Variants in PLCH2 observed in about 807,000 individuals in gnomAD.
PLCH2 encodes the protein phospholipase C eta 2.
Under a neutral mutation model 134.7 loss-of-function variants are expected in PLCH2, and 98 were observed. The observed-to-expected ratio is 0.73, with a 90% CI of 0.62 to 0.86. The LOEUF is 0.86. Ranked by LOEUF, PLCH2 falls within the 40% of genes least tolerant of loss-of-function variation. PLCH2 has a pLI of 0.00. For synonymous variants in PLCH2, 974 were observed against 827.5 expected, an observed-to-expected ratio of 1.18 and a Z score of -3.04; for missense variants, 1,994 against 1,986.6, an observed-to-expected ratio of 1.00 and a Z score of -0.07.
upstream of PLCH2, among the ~76,000 whole-genome samples, chr1:2,464,088 G>C (rs1385205410): frequency 6.6e-6 from 1 of 152,254 alleles, no homozygotes; most frequent in Non-Finnish European, 1.5e-5. Context: ...CTGGTTGCGG[G>C]TGTGACCAGG....
At chr1:2,451,828 G>A (rs979534514) in intron 2 of PLCH2, among the ~76,000 whole-genome samples, 1 of 152,130 alleles carries the variant, frequency 6.6e-6, no homozygotes, top group African/African-American at 2.4e-5. Context: ...GGGCTGCCGG[G>A]GGGGCGGTGG....
chr1:2,499,596 TG>T, intron 19 of PLCH2, 44 bp from the exon 20 acceptor site: 1 of 1,422,108 alleles, frequency 7.0e-7, no homozygotes, highest in Non-Finnish European at 9.7e-7. Flanking sequence ...GTGGGGGCCC[TG>T]GGAGGCTGTG....
In PLCH2 at chr1:2,428,719, G is replaced by A. The variant is rs1053469135; in HGVS notation, c.-177-1619G>A. On this transcript the variant is annotated intron_variant, in intron 1 of 3. Coordinates refer to the PLCH2 transcript ENST00000609981. ...ACTGCTCAGGAACCTGCCGGTCTCC[G>A]GCTGGGACGGTGGCTGGATCAGCTC... Among the ~76,000 whole-genome samples, 10 of 152,268 alleles carry A rather than the reference G, an allele frequency of 6.6e-5. No homozygotes were observed. In the East Asian group the frequency reaches 1.3e-3, roughly 21 times the overall value.
At chr1:2,503,376 G>C (rs553643454) in intron 21 of PLCH2, 1 of 586,184 alleles carries the variant, frequency 1.7e-6, no homozygotes, top group African/African-American at 1.9e-5. Context: ...GATGTGGGCA[G>C]GTAGTGCAGC....
intron 2 of PLCH2, among the ~76,000 whole-genome samples, chr1:2,443,156 G>A (rs539068798): frequency 2.6e-5 from 4 of 152,318 alleles, no homozygotes; most frequent in African/African-American, 9.6e-5. Context: ...AGGTGGGTGG[G>A]CTGGCCGCCC....
intron 2 of PLCH2, among the ~76,000 whole-genome samples, chr1:2,442,288 G>T (rs1309111569): frequency 6.6e-6 from 1 of 152,184 alleles, no homozygotes; most frequent in African/African-American, 2.4e-5. Flanking sequence ...TCGTGAATCT[G>T]TGGGGAGCCA....
At chr1:2,423,047 T>G (rs1271404615), upstream of PLCH2, among the ~76,000 whole-genome samples, 1 of 152,252 alleles carries the variant, frequency 6.6e-6, no homozygotes, top group Admixed American at 6.5e-5. Context: ...GCTGATAGAC[T>G]CACAGTGATG....
rs950126259 is a variant in PLCH2, at chr1:2,498,944, C to T, written c.2434+116C>T. On this transcript the variant is annotated intron_variant, in intron 18 of 21. Coordinates refer to ENST00000378486, the MANE Select transcript of PLCH2 (RefSeq NM_014638.4). This position sits in a 1 kb window ranked among gnomAD's most constrained non-coding sequence, Gnocchi z 5.4. ...GGCCTCCCTCAGTGACAGTCCTGGG[C>T]GCCCTCCCCTCTAGGTGGGCAGTCC... 8 of 1,345,288 alleles carry T rather than the reference C, an allele frequency of 5.9e-6. No individual in the cohort carries two copies. Among genetic ancestry groups the T allele is most frequent in the African/African-American group, 5.8e-5 (4 of 69,144 alleles). The allele number at this position is 1,345,288 out of a possible 1,614,324, so 83.3% of individuals were successfully genotyped here. A position where few individuals can be genotyped will look rare whatever the true frequency, so the allele number is the denominator to read the frequency against.
At chr1:2,450,191 G>A (rs1640126061) in intron 2 of PLCH2, among the ~76,000 whole-genome samples, 2 of 152,156 alleles carry the variant, frequency 1.3e-5, no homozygotes, top group Non-Finnish European at 2.9e-5. Context: ...CGACGGGGGG[G>A]CAGATATCGG....
upstream of PLCH2, among the ~76,000 whole-genome samples, chr1:2,473,380 G>A (rs1000581723): frequency 1.3e-5 from 2 of 152,206 alleles, no homozygotes; most frequent in African/African-American, 2.4e-5. Context: ...GCGTGTCACC[G>A]TGGGGCCCGC....
At chr1:2,460,426 T>G (rs750036492) in intron 2 of PLCH2, among the ~76,000 whole-genome samples, 8 of 152,052 alleles carry the variant, frequency 5.3e-5, no homozygotes, top group Admixed American at 2.6e-4. Flanking sequence ...ATGGAACAGG[T>G]GGGCTGGAGA....
rs574486825 is a variant in PLCH2, at chr1:2,441,017, G to A, written c.115+10388G>A. Among the ~76,000 whole-genome samples, 3 of 152,332 alleles carry A rather than the reference G, an allele frequency of 2.0e-5. No homozygotes were observed. The East Asian group carries it at 5.8e-4, about 29-fold the overall frequency. On this transcript the variant is annotated intron_variant, in intron 2 of 3. Transcript: ENST00000609981. Reference sequence around the variant, plus strand: ...GGAAACCGCCCCGACCATGCTGTCCGGGAAAGGGGGTGCAGATGGGCATGG... The same window carrying A: ...GGAAACCGCCCCGACCATGCTGTCCAGGAAAGGGGGTGCAGATGGGCATGG...
At chr1:2,479,499 G>A (rs1641832915) in intron 2 of PLCH2, 27 of 494,646 alleles carry the variant, frequency 5.5e-5, no homozygotes, top group South Asian at 2.9e-4. Flanking sequence ...TCGTGGGGGC[G>A]TGTCTTTTCC....
chr1:2,502,316 T>C lies in PLCH2; in HGVS notation c.2866T>C (p.Ser956Pro). ...ELVLGTRDTGSKGVADDVVPP... is the reference protein window; with the variant it reads ...ELVLGTRDTGPKGVADDVVPP... ...GGTCCTGGGTACACGGGACACAGGCTCCAAGGGGGTGGCAGACGATGTGGT... is the reference window on the plus strand; with the variant it reads ...GGTCCTGGGTACACGGGACACAGGCCCCAAGGGGGTGGCAGACGATGTGGT... Residue 956 changes from serine to proline, a missense_variant, in exon 21 of 22, where the codon TCC (serine) becomes CCC (proline). Physicochemically the swap from Ser to Pro is moderately conservative, Grantham distance 74. Around this residue, in one of 2 missense-constraint regions of PLCH2, gnomAD observed 900 missense variants for 752.3 expected, o/e 1.20. Coordinates refer to ENST00000378486, the MANE Select transcript of PLCH2 (RefSeq NM_014638.4). 2 of 1,535,448 alleles carry C rather than the reference T, an allele frequency of 1.3e-6. No homozygotes were observed. Among genetic ancestry groups the C allele is most frequent in the African/African-American group, 2.8e-5 (2 of 72,302 alleles).
Position 2,504,943 on chromosome 1 carries a change from G to A in PLCH2, c.3981G>A (p.Gly1327=). 2.6e-6 allele frequency: 4 copies of A among 1,563,922 alleles called. No individual in the cohort carries two copies. Among genetic ancestry groups the A allele is most frequent in the Non-Finnish European group, 3.5e-6 (4 of 1,155,234 alleles). The change falls in exon 22 of 22, where the codon GGG becomes GGA. Residue 1327 remains glycine (G), a synonymous_variant. Transcript: ENST00000378486. Reference sequence around the variant, plus strand: ...CCAGCCTGGGCCCGGCTGGGGAGGGGGTGGCAGGGGGCCCTGGTTTTGTGC... The same window carrying A: ...CCAGCCTGGGCCCGGCTGGGGAGGGAGTGGCAGGGGGCCCTGGTTTTGTGC... The part of the protein sequence containing the change: ...SPTSLGPAGE[G]VAGGPGFVRR...
At chr1:2,475,790 C>T (rs1383689569), upstream of PLCH2, among the ~76,000 whole-genome samples, 1 of 152,228 alleles carries the variant, frequency 6.6e-6, no homozygotes, top group South Asian at 2.1e-4. Flanking sequence ...CAGGGACCCA[C>T]ATCCTGGGCC....
At chr1:2,455,625 C>A (rs974006169) in intron 2 of PLCH2, among the ~76,000 whole-genome samples, 2 of 152,190 alleles carry the variant, frequency 1.3e-5, no homozygotes, top group African/African-American at 4.8e-5. Context: ...ACGCTTGTTC[C>A]CTGGGGTCCT....
At position 2,498,537 on chromosome 1, in the gene PLCH2, A is replaced by T; in HGVS notation, c.2239A>T (p.Asn747Tyr). 1 of 1,607,876 alleles carries T rather than the reference A, an allele frequency of 6.2e-7. No individual in the cohort carries two copies. Among genetic ancestry groups the T allele is most frequent in the Non-Finnish European group, 8.5e-7 (1 of 1,178,896 alleles). The change falls in exon 17 of 22, where the codon AAC (asparagine) becomes TAC (tyrosine). Residue 747 changes from asparagine (N) to tyrosine (Y), a missense_variant. Around this residue, in one of 2 missense-constraint regions of PLCH2, gnomAD observed 1,094 missense variants for 1,234.3 expected, o/e 0.89. Coordinates refer to ENST00000378486, the MANE Select transcript of PLCH2 (RefSeq NM_014638.4). This position sits in a 1 kb window ranked among gnomAD's most constrained non-coding sequence, Gnocchi z 5.4. ...GCMCQGVFNP[N>Y]SEDPLPGQLK... ...CATCCCCTCAGGCGTGTTCAACCCC[A>T]ACTCGGAGGACCCCCTGCCCGGGCA...
chr1:2,461,728 T>C (rs1640811357), intron 2 of PLCH2, among the ~76,000 whole-genome samples: 1 of 152,204 alleles, frequency 6.6e-6, no homozygotes, highest in Non-Finnish European at 1.5e-5. Flanking sequence ...TCTGCGCCTC[T>C]GCCTTGGCAT....
Sources: allele counts gnomAD v4.1 joint callset (sites outside exome capture counted in the v4.1 genomes callset), GRCh38; gene constraint gnomAD v4.1.1; regional missense constraint gnomAD v4.1.1; non-coding constraint Gnocchi (gnomAD v3.1); transcripts MANE v1.5; gene names NCBI Gene and HGNC (gene_info 2026-07-23, HGNC 2026-07-21).